Variants in CAMTA1 observed in about 807,000 individuals in gnomAD.
CAMTA1 encodes calmodulin binding transcription activator 1.
Under a neutral mutation model 170.9 loss-of-function variants are expected in CAMTA1, and 27 were observed. That is an observed-to-expected ratio of 0.16 (90% confidence interval 0.12 to 0.22). CAMTA1 has a LOEUF of 0.22. CAMTA1 is among the 10% of genes least tolerant of loss of function. CAMTA1 has a pLI of 1.00. For synonymous variants in CAMTA1, 833 were observed against 891.5 expected (o/e 0.93, Z 1.17); for missense variants, 1,619 against 2,217.2 (o/e 0.73, Z 5.42).
chr1:7,297,386 G>T (rs1043977928), intron 5 of CAMTA1, among the ~76,000 whole-genome samples: 1 of 152,176 alleles, frequency 6.6e-6, no homozygotes, highest in African/African-American at 2.4e-5. Flanking sequence ...TTCCTGTAGG[G>T]TATAGTCCTT....
intron 3 of CAMTA1, among the ~76,000 whole-genome samples, chr1:6,931,890 A>G (rs1321971958): frequency 6.6e-6 from 1 of 152,220 alleles, no homozygotes; most frequent in Non-Finnish European, 1.5e-5. Flanking sequence ...AAGCTTTTCT[A>G]CCATCGGTCA....
intron 3 of CAMTA1, among the ~76,000 whole-genome samples, chr1:6,966,612 T>TTTA (rs754510316): frequency 0.11 from 75 of 698 alleles, no homozygotes; most frequent in Non-Finnish European, 0.24. Context: ...TTTTGAAACC[T>TTTA]TTTTTTTTTT....
chr1:7,404,211 C>T (rs561610595), intron 5 of CAMTA1, among the ~76,000 whole-genome samples: 1 of 152,356 alleles, frequency 6.6e-6, no homozygotes, highest in African/African-American at 2.4e-5. Context: ...CATTGGCCAA[C>T]GAGCTCGCCA....
chr1:7,683,717 C>T (rs967918346), intron 11 of CAMTA1, among the ~76,000 whole-genome samples: 9 of 152,224 alleles, frequency 5.9e-5, no homozygotes, highest in East Asian at 1.9e-4. Flanking sequence ...ACGTCCTCTC[C>T]GAGCCCAGCC....
At chr1:7,324,981 T>A (rs898560397) in intron 5 of CAMTA1, among the ~76,000 whole-genome samples, 13 of 152,240 alleles carry the variant, frequency 8.5e-5, no homozygotes, top group African/African-American at 2.9e-4. Flanking sequence ...TTCCTCACTC[T>A]ACTAATGTGT....
chr1:7,496,946 C>T (rs114947745), intron 6 of CAMTA1, among the ~76,000 whole-genome samples: 1,652 of 152,110 alleles, frequency 0.011, 35 homozygotes, highest in African/African-American at 0.038. Flanking sequence ...ACTCTCCCTT[C>T]CTAGGCCATG....
intron 5 of CAMTA1, among the ~76,000 whole-genome samples, chr1:7,315,317 G>C (rs952036739): frequency 2.0e-5 from 3 of 152,222 alleles, no homozygotes; most frequent in Admixed American, 6.5e-5. Context: ...GCCTTGGCCT[G>C]ACTCTATTTG....
rs1178018863 is a variant in CAMTA1 at position 7,736,591 on chromosome 1, A to G, written c.3263+51A>G. On this transcript the variant is annotated intron_variant, in intron 13 of 22. Transcript: ENST00000303635. The surrounding 1 kb of genome is among the most constrained non-coding windows in gnomAD (Gnocchi z 4.5). ...GGGTCAGCCTCGCACATCCTCGCTCACATTCTTCCTGAGCACTGCCACCCG... is the reference window on the plus strand; with the variant it reads ...GGGTCAGCCTCGCACATCCTCGCTCGCATTCTTCCTGAGCACTGCCACCCG... 6.4e-7 allele frequency: 1 copy of G among 1,562,332 alleles called. No individual in the cohort carries two copies. Among genetic ancestry groups the G allele is most frequent in the Non-Finnish European group, 8.8e-7 (1 of 1,134,966 alleles).
In CAMTA1 at chr1:7,282,842, A is replaced by G. The variant is rs117648012; in HGVS notation, c.438+33216A>G. 2.6e-5 allele frequency among the ~76,000 whole-genome samples: 4 copies of G among 152,262 alleles called. No homozygotes were observed. The East Asian group carries it at 5.8e-4, about 22-fold the overall frequency. ...CCATCAGGAACAATGATAGTTTTCA[A>G]ACAGGAAAGCTGCAGTCCTAACACC... On this transcript the variant is annotated intron_variant, in intron 5 of 22. Transcript: ENST00000303635.
At chr1:7,558,208 G>A (rs1456248952) in intron 6 of CAMTA1, among the ~76,000 whole-genome samples, 1 of 152,228 alleles carries the variant, frequency 6.6e-6, no homozygotes, top group Non-Finnish European at 1.5e-5. Context: ...GCCGCATGGG[G>A]CCTGTGCTGT....
At chr1:7,312,412 C>T (rs1557495043) in intron 5 of CAMTA1, among the ~76,000 whole-genome samples, 1 of 126,834 alleles carries the variant, frequency 7.9e-6, no homozygotes, top group Non-Finnish European at 1.7e-5. Context: ...TCTCTTTCTA[C>T]AGTCCAATTC....
At chr1:7,424,459 T>C (rs1284245087) in intron 5 of CAMTA1, among the ~76,000 whole-genome samples, 2 of 22,702 alleles carry the variant, frequency 8.8e-5, no homozygotes, top group Non-Finnish European at 9.3e-5. Flanking sequence ...TGAGGGGGGG[T>C]GGGGGTGGGG....
chr1:7,363,254 T>C (rs2085696168), intron 5 of CAMTA1, among the ~76,000 whole-genome samples: 1 of 152,246 alleles, frequency 6.6e-6, no homozygotes, highest in African/African-American at 2.4e-5. Context: ...ATATCTCTTT[T>C]AATGTTCAGC....
In CAMTA1 at chr1:7,647,281, G is replaced by C. The variant is rs540008064; in HGVS notation, c.664+6728G>C. On this transcript the variant is annotated intron_variant, in intron 7 of 22. Coordinates refer to ENST00000303635, the MANE Select transcript of CAMTA1 (RefSeq NM_015215.4). ...AGACAAAGACCAAAGATCCAGAAGGGGGGGGGGCTGTGTTTATTTGTTTTG... is the reference window on the plus strand; with the variant it reads ...AGACAAAGACCAAAGATCCAGAAGGCGGGGGGGCTGTGTTTATTTGTTTTG... Among the ~76,000 whole-genome samples the C allele has an allele frequency of 1.2e-4, 19 of 152,026 alleles. No homozygotes were observed. In the East Asian group the frequency reaches 1.9e-3, roughly 15 times the overall value.
chr1:6,913,766 G>C (rs1031794755), intron 3 of CAMTA1, among the ~76,000 whole-genome samples: 1 of 152,032 alleles, frequency 6.6e-6, no homozygotes. Flanking sequence ...CATCACAAAA[G>C]AGGCAGCGTG....
intron 5 of CAMTA1, among the ~76,000 whole-genome samples, chr1:7,290,382 G>A (rs1672951816): frequency 6.6e-6 from 1 of 152,202 alleles, no homozygotes; most frequent in Non-Finnish European, 1.5e-5. Context: ...GCATGTCCCT[G>A]AGTTTTAGAT....
At chr1:7,386,027 G>A (rs2087927614) in intron 5 of CAMTA1, among the ~76,000 whole-genome samples, 1 of 152,136 alleles carries the variant, frequency 6.6e-6, no homozygotes, top group Non-Finnish European at 1.5e-5. Flanking sequence ...GCTCCTCCAG[G>A]CTCCTCCGCT....
chr1:7,357,828 T>C (rs1199951992), intron 5 of CAMTA1, among the ~76,000 whole-genome samples: 2 of 152,208 alleles, frequency 1.3e-5, no homozygotes, highest in African/African-American at 4.8e-5. Context: ...CCATGCAGTG[T>C]CTGGGCAGAG....
chr1:6,910,059 C>T (rs187547791), intron 3 of CAMTA1, among the ~76,000 whole-genome samples: 1 of 152,342 alleles, frequency 6.6e-6, no homozygotes, highest in Non-Finnish European at 1.5e-5. Context: ...TTGCAGCAAT[C>T]CTTGTTTGCT....
Sources: gnomAD v4.1 joint callset for allele counts (sites outside exome capture counted in the v4.1 genomes callset) on GRCh38, gnomAD v4.1.1 for gene constraint, Gnocchi (gnomAD v3.1) non-coding constraint, MANE v1.5 for transcripts, NCBI Gene and HGNC (gene_info 2026-07-23, HGNC 2026-07-21) for gene names.